CAMTA1: variants seen among roughly 807,000 people sequenced by gnomAD.
The protein encoded by CAMTA1 is calmodulin binding transcription activator 1, also known as calmodulin-binding transcription activator 1.
Under a neutral mutation model 170.9 loss-of-function variants are expected in CAMTA1, and 27 were observed. That is an observed-to-expected ratio of 0.16 (90% CI 0.12 to 0.22). The LOEUF (loss-of-function observed/expected upper bound fraction) is 0.22. Among genes scored for constraint, CAMTA1 ranks in the 10% least tolerant of loss-of-function variants. The probability of loss-of-function intolerance (pLI) is 1.00; values close to 1 mark genes in which losing one functional copy is unlikely to be tolerated. For missense variants in CAMTA1, 1,619 were observed against 2,217.2 expected (o/e 0.73, Z 5.42); for synonymous variants, 833 against 891.5 (o/e 0.93, Z 1.17).
intron 6 of CAMTA1, among the ~76,000 whole-genome samples, chr1:7,508,967 G>T (rs879794573): frequency 3.9e-5 from 6 of 152,124 alleles, no homozygotes; most frequent in Non-Finnish European, 7.4e-5. Context: ...CAAAAAAAAT[G>T]CCCATGGCCT....
intron 3 of CAMTA1, among the ~76,000 whole-genome samples, chr1:6,998,463 C>T (rs1471233191): frequency 1.3e-5 from 2 of 152,226 alleles, no homozygotes; most frequent in Non-Finnish European, 2.9e-5. Context: ...CGTCACATGT[C>T]CCTCTGCCAC....
At chr1:7,500,235 A>C (rs1470463683) in intron 6 of CAMTA1, among the ~76,000 whole-genome samples, 2 of 77,020 alleles carry the variant, frequency 2.6e-5, no homozygotes, top group Admixed American at 2.9e-4. Context: ...ATGTGTGTTC[A>C]TGAGTGAGTG....
At chr1:7,204,175 C>A (rs1399986951) in intron 4 of CAMTA1, among the ~76,000 whole-genome samples, 1 of 151,942 alleles carries the variant, frequency 6.6e-6, no homozygotes, top group African/African-American at 2.4e-5. Context: ...TCATTAACTT[C>A]CACTGTAATA....
intron 3 of CAMTA1, among the ~76,000 whole-genome samples, chr1:6,827,474 C>T (rs940265569): frequency 3.3e-5 from 5 of 150,912 alleles, no homozygotes; most frequent in African/African-American, 7.3e-5. Context: ...AGTGTGACAG[C>T]GAAGACTTAC....
intron 5 of CAMTA1, among the ~76,000 whole-genome samples, chr1:7,257,077 G>GA (rs1163619771): frequency 2.6e-5 from 1 of 38,232 alleles, no homozygotes; most frequent in African/African-American, 7.7e-5. Flanking sequence ...ATCGCATGGC[G>GA]GGGGCGGGGG....
At chr1:7,202,913 G>A (rs969602065) in intron 4 of CAMTA1, among the ~76,000 whole-genome samples, 2 of 152,200 alleles carry the variant, frequency 1.3e-5, no homozygotes, top group Non-Finnish European at 2.9e-5. Flanking sequence ...CCAGTACAAT[G>A]TTGAATAGGA....
intron 4 of CAMTA1, among the ~76,000 whole-genome samples, chr1:7,101,325 G>C (rs539555044): frequency 1.3e-3 from 205 of 152,260 alleles, no homozygotes; most frequent in African/African-American, 4.7e-3. Context: ...GAGTTGGCCT[G>C]CGGGCCTTGT....
chr1:7,074,530 C>T (rs1639050040), intron 3 of CAMTA1, among the ~76,000 whole-genome samples: 2 of 152,162 alleles, frequency 1.3e-5, no homozygotes, highest in African/African-American at 2.4e-5. Flanking sequence ...TCTTTAAAAA[C>T]ATATTTGAGA....
Position 6,858,465 on chromosome 1 carries a change from TGGTG to T in CAMTA1, c.234+33257_234+33260del, listed in dbSNP as rs1438569695. ...TGTGTGGTGGTGGTGGTGGTGGTGG[TGGTG>T]GTGTGTGTGTGTGTGTTGGGGGGGG... On this transcript the variant is annotated intron_variant, in intron 3 of 22. Transcript: ENST00000303635. Among the ~76,000 whole-genome samples the T allele has an allele frequency of 6.1e-4, 68 of 110,842 alleles. 1 individual carries two copies. The highest frequency in any genetic ancestry group is 1.1e-3 in the Non-Finnish European group (63 of 55,368). The allele number at this position is 110,842 out of a possible 152,430, so 72.7% of individuals were successfully genotyped here.
chr1:6,840,954 G>A (rs1439398027), intron 3 of CAMTA1, among the ~76,000 whole-genome samples: 3 of 152,202 alleles, frequency 2.0e-5, no homozygotes, highest in Non-Finnish European at 4.4e-5. Flanking sequence ...TGTTCTGTAG[G>A]TCAGTCATCT....
At chr1:6,800,855 AT>A (rs1284332251) in intron 1 of CAMTA1, among the ~76,000 whole-genome samples, 1 of 152,150 alleles carries the variant, frequency 6.6e-6, no homozygotes, top group African/African-American at 2.4e-5. Context: ...AGTTTCTTTC[AT>A]TTTTAAAGAT....
At chr1:7,533,716 C>G (rs2150060042) in intron 6 of CAMTA1, among the ~76,000 whole-genome samples, 1 of 152,176 alleles carries the variant, frequency 6.6e-6, no homozygotes, top group East Asian at 1.9e-4. Context: ...AGTTTGAGAC[C>G]AGCCTGGCCA....
chr1:7,732,621 C>T lies in CAMTA1; in HGVS notation c.3066+22C>T, dbSNP rs1320010116. 6.4e-7 allele frequency: 1 copy of T among 1,563,846 alleles called. No homozygotes were observed. Among genetic ancestry groups the T allele is most frequent in the Non-Finnish European group, 8.7e-7 (1 of 1,154,680 alleles). ...ACAGGTACGAGGCGGTGCTGATGCT[C>T]AGCTCCCATTTCGCTTCATGTTTAT... On this transcript the variant is annotated intron_variant, in intron 12 of 22. Coordinates refer to ENST00000303635, the MANE Select transcript of CAMTA1 (RefSeq NM_015215.4). This position sits in a 1 kb window ranked among gnomAD's most constrained non-coding sequence, Gnocchi z 4.1.
At chr1:6,885,360 G>A (rs1351686583) in intron 3 of CAMTA1, among the ~76,000 whole-genome samples, 1 of 152,224 alleles carries the variant, frequency 6.6e-6, no homozygotes, top group Non-Finnish European at 1.5e-5. Flanking sequence ...CAGTGTGTGT[G>A]TGTAGGGGAT....
At chr1:6,941,469 G>A (rs1329823457) in intron 3 of CAMTA1, among the ~76,000 whole-genome samples, 2 of 152,164 alleles carry the variant, frequency 1.3e-5, no homozygotes, top group African/African-American at 2.4e-5. Context: ...CTTGGTGCCT[G>A]CATGTGGCTC....
intron 6 of CAMTA1, among the ~76,000 whole-genome samples, chr1:7,520,376 T>A (rs2094349044): frequency 6.8e-6 from 1 of 147,358 alleles, no homozygotes; most frequent in African/African-American, 2.5e-5. Context: ...ATTCGATGTG[T>A]GGACAGGCGC....
At chr1:7,105,939 CAA>C (rs35981857) in intron 4 of CAMTA1, among the ~76,000 whole-genome samples, 2,669 of 143,426 alleles carry the variant, frequency 0.019, 51 homozygotes, top group South Asian at 0.088. Context: ...GACCATGTCT[CAA>C]AAAAAAAAAA....
At chr1:7,350,192 G>A (rs1203139674) in intron 5 of CAMTA1, among the ~76,000 whole-genome samples, 1 of 152,074 alleles carries the variant, frequency 6.6e-6, no homozygotes, top group Non-Finnish European at 1.5e-5. Flanking sequence ...CCCATCCCCT[G>A]CCTCCCACCT....
chr1:6,991,438 G>C (rs1696355453), intron 3 of CAMTA1, among the ~76,000 whole-genome samples: 1 of 152,080 alleles, frequency 6.6e-6, no homozygotes, highest in African/African-American at 2.4e-5. Flanking sequence ...GTGAACAGTG[G>C]GATCTCATTG....
Sources: allele counts gnomAD v4.1 joint callset (sites outside exome capture counted in the v4.1 genomes callset), GRCh38; gene constraint gnomAD v4.1.1; non-coding constraint Gnocchi (gnomAD v3.1); transcripts MANE v1.5; gene names NCBI Gene and HGNC (gene_info 2026-07-23, HGNC 2026-07-21).